The following TSC1 variants were observed in gnomAD, a reference collection of about 807,000 sequenced individuals.
TSC1 encodes hamartin.
A neutral mutation model predicts 124.3 loss-of-function variants in TSC1; 20 were observed. The ratio of observed to expected loss-of-function variants is 0.16; its 90% CI spans 0.11 to 0.23. TSC1 has a LOEUF of 0.23. Ranked by LOEUF, TSC1 falls within the 10% of genes least tolerant of loss-of-function variation. The probability of loss-of-function intolerance (pLI) is 1.00; values close to 1 mark genes in which losing one functional copy is unlikely to be tolerated. For synonymous variants in TSC1, 493 were observed against 539.1 expected (o/e 0.91, Z 1.19); for missense variants, 1,124 against 1,448.5 (o/e 0.78, Z 3.64).
rs144288256 is a variant in TSC1 at position 132,912,258 on chromosome 9, A to G, written c.913+24T>C. 24 of 1,614,040 alleles carry G rather than the reference A, an allele frequency of 1.5e-5. No individual in the cohort carries two copies. In the East Asian group the frequency reaches 3.3e-4, roughly 22 times the overall value. ...TTCCAGAGACAAAGTTGCAAAACAG[A>G]TAAGTACCAAAGACACTTTTTACCA... On this transcript the variant is annotated intron_variant, in intron 9 of 22. Transcript: ENST00000298552.
intron 8 of TSC1, among the ~76,000 whole-genome samples, chr9:132,913,190 C>T (rs1038570999): frequency 2.6e-5 from 4 of 152,154 alleles, no homozygotes; most frequent in African/African-American, 9.7e-5. Context: ...ACCTTGGCCT[C>T]CCAAAGTGCT....
rs1588276922 is a variant in TSC1 at position 132,892,130 on chromosome 9, G to A, written c.*4105C>T. 8.6e-6 allele frequency: 2 copies of A among 233,222 alleles called. No individual in the cohort carries two copies. Among genetic ancestry groups the A allele is most frequent in the East Asian group, 1.2e-4 (2 of 16,570 alleles). The allele number at this position is 233,222 out of a possible 1,614,324, so 14.4% of individuals were successfully genotyped here. A position where few individuals can be genotyped will look rare whatever the true frequency, so the allele number is the denominator to read the frequency against. ...GGCGAGCAGATAAGGACTGCAGGAC[G>A]GCATGGAAGAGACAGGAACACGCTC... On this transcript the variant is annotated 3_prime_UTR_variant, in exon 23 of 23. Transcript: ENST00000298552.
In TSC1 at chr9:132,928,959, A is replaced by G; in HGVS notation, c.-80-7T>C. The G allele has an allele frequency of 1.9e-6, 3 of 1,591,772 alleles. No homozygotes were observed. Among genetic ancestry groups the G allele is most frequent in the Non-Finnish European group, 2.6e-6 (3 of 1,170,034 alleles). Reference sequence around the variant, plus strand: ...CATTGGGGCCACTACCAAACTGAGAAAAAGGAAGATGAACAGTCACTAAAT... The same window carrying G: ...CATTGGGGCCACTACCAAACTGAGAGAAAGGAAGATGAACAGTCACTAAAT... On this transcript the variant is annotated splice_polypyrimidine_tract_variant and splice_region_variant and intron_variant, in intron 2 of 22. Coordinates refer to ENST00000298552, the MANE Select transcript of TSC1 (RefSeq NM_000368.5).
At chr9:132,926,310 A>G (rs115947173) in intron 4 of TSC1, 316 of 172,526 alleles carry the variant, frequency 1.8e-3, no homozygotes, top group African/African-American at 7.3e-3. Context: ...TCTAGGGAAC[A>G]CAATGAGACC....
Position 132,906,382 on chromosome 9 carries a change from C to T in TSC1, c.1439-243G>A, listed in dbSNP as rs1845673333. The T allele has an allele frequency of 5.2e-6, 3 of 571,642 alleles. No individual in the cohort carries two copies. The highest frequency in any genetic ancestry group is 3.0e-5 in the Admixed American group (1 of 33,660). 35.4% of individuals were successfully genotyped at this position (571,642 alleles called of 1,614,324 possible). A position where few individuals can be genotyped will look rare whatever the true frequency, so the allele number is the denominator to read the frequency against. On this transcript the variant is annotated intron_variant, in intron 14 of 22. Transcript: ENST00000298552. This position sits in a 1 kb window ranked among gnomAD's most constrained non-coding sequence, Gnocchi z 4.1. ...ACAACATAGGGAGATCCCATCTCTACAAAAAATACAATAAAAATCAGCTGA... is the reference window on the plus strand; with the variant it reads ...ACAACATAGGGAGATCCCATCTCTATAAAAAATACAATAAAAATCAGCTGA...
chr9:132,910,514 G>A, intron 12 of TSC1, 57 bp downstream of exon 12: 1 of 1,613,580 alleles, frequency 6.2e-7, no homozygotes, highest in Non-Finnish European at 8.5e-7. Context: ...TCAAAGTGAG[G>A]CTTGCAAGTG....
intron 20 of TSC1, 137 bp downstream of exon 20, chr9:132,900,578 A>C: frequency 1.4e-6 from 2 of 1,434,644 alleles, no homozygotes; most frequent in Non-Finnish European, 1.9e-6. Flanking sequence ...GTATAGCTGG[A>C]CCACGGAGTA....
chr9:132,914,835 C>T (rs1846182118), intron 8 of TSC1, among the ~76,000 whole-genome samples: 2 of 151,848 alleles, frequency 1.3e-5, no homozygotes, highest in Non-Finnish European at 2.9e-5. Flanking sequence ...CACCACTGCA[C>T]TCCAGCCTGA....
In TSC1 at chr9:132,897,310, G is replaced by A; in HGVS notation, c.2849C>T (p.Ala950Val). The A allele has an allele frequency of 6.2e-7, 1 of 1,614,142 alleles. No individual in the cohort carries two copies. Among genetic ancestry groups the A allele is most frequent in the African/African-American group, 1.3e-5 (1 of 75,016 alleles). ...AAACACCTGGGTTATCCTTTTCTGA[G>A]CCTCATACCTGCTCTCTGCGGCCTG... ...QLQAAESRYE[A>V]QKRITQVFEL... The change falls in exon 22 of 23, where the codon GCT (alanine) becomes GTT (valine). Residue 950 changes from alanine to valine, a missense_variant. Ala to Val is a moderately conservative substitution (Grantham distance 64). This residue lies in a region of TSC1 where 325 missense variants were observed against 383.4 expected (regional missense o/e 0.85). Transcript: ENST00000298552.
At chr9:132,904,053 G>T (rs949356445) in intron 16 of TSC1, among the ~76,000 whole-genome samples, 1 of 152,116 alleles carries the variant, frequency 6.6e-6, no homozygotes, top group African/African-American at 2.4e-5. Context: ...TTGAGAGCCT[G>T]CTTTCCTTTC....
At position 132,905,862 on chromosome 9, in the gene TSC1, G is replaced by A. The variant is rs752202276; in HGVS notation, c.1716C>T (p.Cys572=). 1.2e-5 allele frequency: 20 copies of A among 1,612,774 alleles called. No individual in the cohort carries two copies. The highest frequency in any genetic ancestry group is 1.7e-5 in the Non-Finnish European group (20 of 1,178,894). The change falls in exon 15 of 23, where the codon TGC becomes TGT. Residue 572 remains cysteine, a synonymous_variant. Transcript: ENST00000298552. ...AGATACTGGTCTCCAAAGAAGTCTG[G>A]CATTCCCTGTCTCCCGCAGGGCTTT... ...ADESPAGDRE[C]QTSLETSIFT...
intron 9 of TSC1, 78 bp from the exon 10 acceptor site, chr9:132,911,646 A>G: frequency 1.3e-6 from 1 of 776,362 alleles, no homozygotes; most frequent in South Asian, 1.6e-5. Flanking sequence ...AAAAAAAAAA[A>G]AAAAAAAAAA....
In TSC1 at chr9:132,904,538, G is replaced by A. The variant is rs1034741242; in HGVS notation, c.1998-84C>T. 4 of 1,364,634 alleles carry A rather than the reference G, an allele frequency of 2.9e-6. No homozygotes were observed. The South Asian group carries it at 3.6e-5, about 12-fold the overall frequency. The allele number at this position is 1,364,634 out of a possible 1,614,324, so 84.5% of individuals were successfully genotyped here. Reference sequence around the variant, plus strand: ...TGGACTTTTATTTGCAGCAAAGTTAGATCACTTCCTTGTGGTCAAAATCTG... The same window carrying A: ...TGGACTTTTATTTGCAGCAAAGTTAAATCACTTCCTTGTGGTCAAAATCTG... On this transcript the variant is annotated intron_variant, in intron 15 of 22. Transcript: ENST00000298552.
In TSC1 at chr9:132,905,564, G is replaced by A. The variant is rs397514860; in HGVS notation, c.1997+17C>T. ...AATGGACCATTTAACACAGAAGAGA[G>A]TGCCCCAGTCCCTTACTTGTTCAGC... On this transcript the variant is annotated intron_variant, in intron 15 of 22. Coordinates refer to ENST00000298552, the MANE Select transcript of TSC1 (RefSeq NM_000368.5). 2 of 1,613,502 alleles carry A rather than the reference G, an allele frequency of 1.2e-6. No individual in the cohort carries two copies. Among genetic ancestry groups the A allele is most frequent in the African/African-American group, 1.3e-5 (1 of 75,020 alleles).
At chr9:132,932,670 G>C (rs1345685383) in intron 2 of TSC1, among the ~76,000 whole-genome samples, 2 of 152,124 alleles carry the variant, frequency 1.3e-5, no homozygotes, top group African/African-American at 4.8e-5. Flanking sequence ...ACCCCCCTCT[G>C]CCTCTTCATT....
In TSC1 at chr9:132,904,427, G is replaced by C. The variant is rs1167005895; in HGVS notation, c.2025C>G (p.Asp675Glu). 1 of 1,614,050 alleles carries C rather than the reference G, an allele frequency of 6.2e-7. No individual in the cohort carries two copies. The highest frequency in any genetic ancestry group is 8.5e-7 in the Non-Finnish European group (1 of 1,180,010). The change falls in exon 16 of 23, where the codon GAC becomes GAG. Residue 675 changes from aspartate to glutamate, a missense_variant. This residue lies in a region of TSC1 where 321 missense variants were observed against 397.4 expected (regional missense o/e 0.81). Transcript: ENST00000298552. ...CAACTTTACCTCCAAAGTGGGTCCA[G>C]TCGACAGACTTGCTGGGTAAAGGCA... ...NKLPLPSKSV[D>E]WTHFGGSPPS...
At chr9:132,910,205 G>A (rs1181005485) in intron 12 of TSC1, 13 of 484,680 alleles carry the variant, frequency 2.7e-5, no homozygotes, top group Non-Finnish European at 3.7e-5. Context: ...CGAGGCTGAT[G>A]CAGGAGGATT....
upstream of TSC1, chr9:132,944,636 A>C (rs528753909): frequency 7.3e-5 from 29 of 398,810 alleles, no homozygotes; most frequent in African/African-American, 5.5e-4. Context: ...CCCGTCGTGA[A>C]AGGGCCAAGG....
chr9:132,943,496 A>C (rs1367079902), intron 1 of TSC1: 1 of 152,182 alleles, frequency 6.6e-6, no homozygotes, highest in African/African-American at 2.4e-5. Context: ...TAACAGATAA[A>C]TTTAAGAGTC....
Sources: allele counts gnomAD v4.1 joint callset (sites outside exome capture counted in the v4.1 genomes callset), GRCh38; gene constraint gnomAD v4.1.1; regional missense constraint gnomAD v4.1.1; non-coding constraint Gnocchi (gnomAD v3.1); transcripts MANE v1.5; gene names NCBI Gene and HGNC (gene_info 2026-07-23, HGNC 2026-07-21).